COMMD1: variants seen among roughly 807,000 people sequenced by gnomAD.
COMMD1 encodes COMM domain-containing protein 1.
Under a neutral mutation model 17.2 loss-of-function variants are expected in COMMD1, and 10 were observed. That is an observed-to-expected ratio of 0.58 (90% CI 0.36 to 0.99). COMMD1 has a LOEUF of 0.99. COMMD1 is among the 50% of genes least tolerant of loss of function. COMMD1 has a pLI of 0.01. For synonymous variants in COMMD1, 97 were observed against 91.6 expected (o/e 1.06, Z -0.34); for missense variants, 270 against 231.8 (o/e 1.17, Z -1.07).
intron 2 of COMMD1, among the ~76,000 whole-genome samples, chr2:62,025,262 G>A (rs1036990287): frequency 6.6e-6 from 1 of 151,222 alleles, no homozygotes; most frequent in Admixed American, 6.6e-5. Context: ...GCTGGGTACG[G>A]TGGTTCACAC....
chr2:62,005,141 T>C (rs1272623619), intron 2 of COMMD1, among the ~76,000 whole-genome samples: 2 of 152,232 alleles, frequency 1.3e-5, no homozygotes, highest in East Asian at 3.8e-4. Flanking sequence ...ATAGGTATCG[T>C]TATTCTTTAA....
chr2:61,888,602 T>G (rs1182996091), upstream of COMMD1: 2 of 1,398,152 alleles, frequency 1.4e-6, no homozygotes, highest in Non-Finnish European at 1.9e-6. Context: ...CTCACTGCCT[T>G]CACGAACCTT....
At chr2:62,050,815 T>C (rs969188470) in intron 2 of COMMD1, among the ~76,000 whole-genome samples, 7 of 152,214 alleles carry the variant, frequency 4.6e-5, no homozygotes, top group Non-Finnish European at 8.8e-5. Context: ...AAACTTGACC[T>C]AGTCGAAGAA....
intron 1 of COMMD1, among the ~76,000 whole-genome samples, chr2:61,954,334 G>A (rs1671138024): frequency 6.6e-6 from 1 of 152,130 alleles, no homozygotes; most frequent in Admixed American, 6.5e-5. Context: ...AGTTTGGTAG[G>A]AGTATAACAT....
At chr2:62,111,572 G>A (rs949736092) in intron 2 of COMMD1, among the ~76,000 whole-genome samples, 1 of 152,184 alleles carries the variant, frequency 6.6e-6, no homozygotes, top group African/African-American at 2.4e-5. Flanking sequence ...TTAGAAGGGA[G>A]AGAGTGACCT....
At chr2:61,916,819 C>A (rs1021296681) in intron 1 of COMMD1, among the ~76,000 whole-genome samples, 5 of 152,040 alleles carry the variant, frequency 3.3e-5, no homozygotes, top group Non-Finnish European at 7.4e-5. Context: ...CCATTTGTAC[C>A]CAGCACTCGA....
intron 2 of COMMD1, among the ~76,000 whole-genome samples, chr2:62,015,086 C>G (rs539922973): frequency 5.7e-4 from 87 of 152,270 alleles, no homozygotes; most frequent in African/African-American, 2.1e-3. Flanking sequence ...TGCATCCAAC[C>G]CATTCATGAT....
intron 2 of COMMD1, among the ~76,000 whole-genome samples, chr2:62,107,863 T>G (rs911014549): frequency 3.3e-5 from 5 of 152,286 alleles, no homozygotes; most frequent in Admixed American, 3.3e-4. Context: ...AGTGATCCCT[T>G]CCTCATAATA....
upstream of COMMD1, among the ~76,000 whole-genome samples, chr2:61,902,763 T>G (rs1017143547): frequency 6.6e-6 from 1 of 151,984 alleles, no homozygotes; most frequent in Non-Finnish European, 1.5e-5. Flanking sequence ...GAGGATAACT[T>G]GGGCCTGGGA....
At chr2:62,129,132 A>C (rs934388189) in intron 2 of COMMD1, among the ~76,000 whole-genome samples, 6 of 152,172 alleles carry the variant, frequency 3.9e-5, no homozygotes, top group African/African-American at 1.2e-4. Context: ...GGCAGTCTGA[A>C]GAGACTTAGC....
intron 1 of COMMD1, among the ~76,000 whole-genome samples, chr2:61,896,103 A>G (rs1391320269): frequency 6.6e-6 from 1 of 152,258 alleles, no homozygotes; most frequent in Non-Finnish European, 1.5e-5. Flanking sequence ...ATAAACACCA[A>G]TGCAAAGTTA....
chr2:62,119,081 G>C (rs1342739507), intron 2 of COMMD1: 1 of 150,890 alleles, frequency 6.6e-6, no homozygotes, highest in Non-Finnish European at 1.5e-5. Flanking sequence ...GTTACAATGA[G>C]ACTGTGGGGC....
chr2:62,130,485 C>T (rs1057458029), intron 2 of COMMD1, among the ~76,000 whole-genome samples: 1 of 152,036 alleles, frequency 6.6e-6, no homozygotes, highest in Admixed American at 6.6e-5. Context: ...CTTTCCCACT[C>T]TCACCCTCCA....
upstream of COMMD1, chr2:61,888,594 C>T (rs1409195103): frequency 1.4e-6 from 2 of 1,456,176 alleles, no homozygotes; most frequent in East Asian, 2.4e-5. Flanking sequence ...GGTAAGCCCT[C>T]ACTGCCTTCA....
rs115785227 is a variant in COMMD1, at chr2:62,120,680, T to C, written c.463-15151T>C. On this transcript the variant is annotated intron_variant, in intron 2 of 2. Coordinates refer to ENST00000311832, the MANE Select transcript of COMMD1 (RefSeq NM_152516.4). ...ACCTAAAAATAATTTTTTAACCAAA[T>C]TTCTTTCAGTCAAAGTTTTTCAAAA... is the stretch of plus-strand genomic sequence containing the variant. 7.0e-3 allele frequency among the ~76,000 whole-genome samples: 1,065 copies of C among 152,302 alleles called. 17 individuals carry two copies. Among genetic ancestry groups the C allele is most frequent in the African/African-American group, 0.024 (1,002 of 41,568 alleles).
chr2:62,098,284 G>T (rs992659667), intron 2 of COMMD1, among the ~76,000 whole-genome samples: 1 of 150,494 alleles, frequency 6.6e-6, no homozygotes, highest in Non-Finnish European at 1.5e-5. Flanking sequence ...TCAGCCTCCC[G>T]AGTAGCTGGG....
chr2:61,974,353 A>G (rs551856024), intron 1 of COMMD1, among the ~76,000 whole-genome samples: 3 of 152,192 alleles, frequency 2.0e-5, no homozygotes, highest in African/African-American at 7.2e-5. Flanking sequence ...CATTGTATCT[A>G]TGAAATTCAT....
At chr2:61,911,037 C>T (rs1481783833) in intron 1 of COMMD1, among the ~76,000 whole-genome samples, 6 of 151,064 alleles carry the variant, frequency 4.0e-5, no homozygotes, top group African/African-American at 9.8e-5. Context: ...GAGCCGAGAT[C>T]GCGCCATTGC....
chr2:61,988,880 G>T (rs1257843038), intron 1 of COMMD1, among the ~76,000 whole-genome samples: 1 of 152,180 alleles, frequency 6.6e-6, no homozygotes, highest in Non-Finnish European at 1.5e-5. Context: ...TGATCTAAAT[G>T]TTCCCTCTGT....
Sources: gnomAD v4.1 joint callset for allele counts (sites outside exome capture counted in the v4.1 genomes callset) on GRCh38, gnomAD v4.1.1 for gene constraint, MANE v1.5 for transcripts, NCBI Gene and HGNC (gene_info 2026-07-23, HGNC 2026-07-21) for gene names.